GPATCH2L: variants seen among roughly 807,000 people sequenced by gnomAD.
GPATCH2L encodes G-patch domain containing 2 like.
GPATCH2L carries 31 observed loss-of-function variants against 57.4 expected under a neutral mutation model. That is an observed-to-expected ratio of 0.54 (90% CI 0.41 to 0.73). GPATCH2L has a LOEUF of 0.73. Ranked by LOEUF, GPATCH2L falls within the 30% of genes least tolerant of loss-of-function variation. GPATCH2L has a pLI of 0.00. For synonymous variants in GPATCH2L, 199 were observed against 210.7 expected (o/e 0.94, Z 0.48); for missense variants, 481 against 599.9 (o/e 0.80, Z 2.07).
downstream of GPATCH2L, among the ~76,000 whole-genome samples, chr14:76,216,816 A>G (rs1156856441): frequency 2.0e-5 from 3 of 152,156 alleles, no homozygotes; most frequent in African/African-American, 7.2e-5. Context: ...AAAGTGTGGT[A>G]TAGGTGCATG....
chr14:76,184,261 AG>A (rs2039687750), intron 8 of GPATCH2L, among the ~76,000 whole-genome samples: 1 of 152,122 alleles, frequency 6.6e-6, no homozygotes, highest in Admixed American at 6.5e-5. Context: ...TGTGAGGAAG[AG>A]TTCCTCAGGG....
intron 8 of GPATCH2L, among the ~76,000 whole-genome samples, chr14:76,186,145 A>T (rs2139750506): frequency 6.6e-6 from 1 of 152,182 alleles, no homozygotes; most frequent in South Asian, 2.1e-4. Flanking sequence ...AAAAACTTTG[A>T]GTTGGCTTCC....
At position 76,173,593 on chromosome 14, in the gene GPATCH2L, C is replaced by G; in HGVS notation, c.952C>G (p.Leu318Val). 1 of 1,613,174 alleles carries G rather than the reference C, an allele frequency of 6.2e-7. No individual in the cohort carries two copies. The highest frequency in any genetic ancestry group is 8.5e-7 in the Non-Finnish European group (1 of 1,179,206). Residue 318 changes from leucine (L) to valine (V), a missense_variant, in exon 5 of 10, where the codon CTC (leucine) becomes GTC (valine). Physicochemically the swap from Leu to Val is conservative, Grantham distance 32. Around this residue, in one of 3 missense-constraint regions of GPATCH2L, gnomAD observed 248 missense variants for 270.5 expected, o/e 0.92. Coordinates refer to ENST00000261530, the MANE Select transcript of GPATCH2L (RefSeq NM_017926.4). Reference sequence around the variant, plus strand: ...TCTACCTGGAGCTGCAGCTCGATGCCTCAGAAAGGGGCGAAGAAGGCTGGT... The same window carrying G: ...TCTACCTGGAGCTGCAGCTCGATGCGTCAGAAAGGGGCGAAGAAGGCTGGT... ...NRLPGAAARC[L>V]RKGRRRLVGK...
At position 76,212,986 on chromosome 14, in the gene GPATCH2L, A is replaced by G. The variant is rs1445034925; in HGVS notation, c.*11135A>G. On this transcript the variant is annotated 3_prime_UTR_variant, in exon 10 of 10. Transcript: ENST00000261530. The stretch of plus-strand genomic sequence containing the variant: ...ATATAAACTTGTTCCTCTGAGATAC[A>G]AATAAAACAGTGCTCAGAGGAAAAT... 6.6e-6 allele frequency: 1 copy of G among 152,176 alleles called. No individual in the cohort carries two copies. The highest frequency in any genetic ancestry group is 2.4e-5 in the African/African-American group (1 of 41,456). The allele number at this position is 152,176 out of a possible 1,614,324, so 9.4% of individuals were successfully genotyped here.
chr14:76,223,716 A>G (rs1231491191), intron 1 of GPATCH2L, among the ~76,000 whole-genome samples: 2 of 152,226 alleles, frequency 1.3e-5, no homozygotes, highest in African/African-American at 4.8e-5. Flanking sequence ...ATATATAAAG[A>G]ACTCTTATGA....
intron 9 of GPATCH2L, among the ~76,000 whole-genome samples, chr14:76,197,893 T>G (rs1045453347): frequency 6.6e-6 from 1 of 152,202 alleles, no homozygotes; most frequent in African/African-American, 2.4e-5. Flanking sequence ...CCTGTCACTG[T>G]GATGAATTCA....
At chr14:76,177,705 TTG>T (rs748410516) in intron 6 of GPATCH2L, among the ~76,000 whole-genome samples, 39 of 142,818 alleles carry the variant, frequency 2.7e-4, no homozygotes, top group Admixed American at 1.2e-3. Context: ...AGGTTTTTTT[TTG>T]TTTTTGTTTT....
intron 8 of GPATCH2L, among the ~76,000 whole-genome samples, chr14:76,192,236 T>A (rs76054713): frequency 1.3e-5 from 2 of 151,672 alleles, no homozygotes; most frequent in East Asian, 3.9e-4. Context: ...GGACTTCACA[T>A]AGAAAAATAG....
At chr14:76,198,126 T>C (rs906896921) in intron 9 of GPATCH2L, among the ~76,000 whole-genome samples, 1 of 152,162 alleles carries the variant, frequency 6.6e-6, no homozygotes, top group Admixed American at 6.5e-5. Flanking sequence ...TAGACCCATC[T>C]TGAAAGTGTA....
chr14:76,232,601 C>G (rs988034560), intron 2 of GPATCH2L, among the ~76,000 whole-genome samples: 1 of 152,174 alleles, frequency 6.6e-6, no homozygotes, highest in African/African-American at 2.4e-5. Context: ...ACTAGAAAGA[C>G]TCGCAGAACT....
chr14:76,178,875 G>C (rs977419243), intron 7 of GPATCH2L: 1 of 152,286 alleles, frequency 6.6e-6, no homozygotes, highest in Admixed American at 6.5e-5. Flanking sequence ...GGGCCCCTTG[G>C]CATATTTAGG....
At chr14:76,184,316 G>T (rs1301454220) in intron 8 of GPATCH2L, among the ~76,000 whole-genome samples, 1 of 152,058 alleles carries the variant, frequency 6.6e-6, no homozygotes, top group Non-Finnish European at 1.5e-5. Context: ...TCTCCTTTAA[G>T]AGCACAAAGA....
chr14:76,220,940 T>C (rs1028893459), intron 1 of GPATCH2L, among the ~76,000 whole-genome samples: 1 of 151,828 alleles, frequency 6.6e-6, no homozygotes, highest in Admixed American at 6.6e-5. Flanking sequence ...TAAAAGTCAG[T>C]CTAAGTACGC....
At chr14:76,227,427 G>A (rs2040540799) in intron 1 of GPATCH2L, among the ~76,000 whole-genome samples, 1 of 152,166 alleles carries the variant, frequency 6.6e-6, no homozygotes, top group Admixed American at 6.5e-5. Flanking sequence ...AGTCCAGGGG[G>A]GAGGGACTCA....
At position 76,227,601 on chromosome 14, in the gene GPATCH2L, C is replaced by T. The variant is rs144864034; in HGVS notation, c.66-2207C>T. Among the ~76,000 whole-genome samples, 342 of 152,214 alleles carry T rather than the reference C, an allele frequency of 2.2e-3. 1 individual carries two copies. Among genetic ancestry groups the T allele is most frequent in the Non-Finnish European group, 4.1e-3 (279 of 68,006 alleles). On this transcript the variant is annotated intron_variant and NMD_transcript_variant, in intron 1 of 3. Transcript: ENST00000556372. Reference sequence around the variant, plus strand: ...CAGGTCATTTGTGAATTGCGTAACACGAAATGAATCATGCTCCTGTGAAGA... The same window carrying T: ...CAGGTCATTTGTGAATTGCGTAACATGAAATGAATCATGCTCCTGTGAAGA...
intron 1 of GPATCH2L, among the ~76,000 whole-genome samples, chr14:76,224,339 TA>T (rs1249290678): frequency 6.6e-6 from 1 of 152,206 alleles, no homozygotes; most frequent in African/African-American, 2.4e-5. Flanking sequence ...GTGAATATAC[TA>T]AAAACCACTG....
At position 76,203,007 on chromosome 14, in the gene GPATCH2L, A is replaced by C. The variant is rs1334118375; in HGVS notation, c.*1156A>C. ...TTTTTTTATACCAATGAGTGCGTTT[A>C]CTCTGAAATACATAGAAGCTCTTGG... On this transcript the variant is annotated 3_prime_UTR_variant, in exon 10 of 10. Transcript: ENST00000261530. The C allele has an allele frequency of 6.6e-6, 1 of 152,186 alleles. No individual in the cohort carries two copies. The highest frequency in any genetic ancestry group is 6.5e-5 in the Admixed American group (1 of 15,290). 9.4% of individuals were successfully genotyped at this position (152,186 alleles called of 1,614,324 possible).
At chr14:76,152,421 C>G (rs1230211869) in intron 1 of GPATCH2L, 1 of 291,288 alleles carries the variant, frequency 3.4e-6, no homozygotes, top group Admixed American at 4.4e-5. Flanking sequence ...CTAGAAGAGC[C>G]GATCCCCGCC....
At chr14:76,198,197 G>A (rs775161433) in intron 9 of GPATCH2L, among the ~76,000 whole-genome samples, 4 of 152,088 alleles carry the variant, frequency 2.6e-5, no homozygotes, top group South Asian at 2.1e-4. Context: ...GCATGCAGGT[G>A]TCTAGTGCAC....
Sources: allele counts gnomAD v4.1 joint callset (sites outside exome capture counted in the v4.1 genomes callset), GRCh38; gene constraint gnomAD v4.1.1; regional missense constraint gnomAD v4.1.1; transcripts MANE v1.5; gene names NCBI Gene and HGNC (gene_info 2026-07-23, HGNC 2026-07-21).